The following CACNA2D4 variants were observed in gnomAD, a reference collection of about 807,000 sequenced individuals.
The protein encoded by CACNA2D4 is calcium voltage-gated channel auxiliary subunit alpha2delta 4, also known as voltage-dependent calcium channel subunit alpha-2/delta-4.
Under a neutral mutation model 163.8 loss-of-function variants are expected in CACNA2D4, and 157 were observed. The ratio of observed to expected loss-of-function variants is 0.96; its 90% CI spans 0.84 to 1.09. CACNA2D4 has a LOEUF of 1.09. CACNA2D4 is among the 50% of genes least tolerant of loss of function. The pLI, the probability that CACNA2D4 is intolerant of heterozygous loss-of-function variation, is 0.00. For synonymous variants in CACNA2D4, 598 were observed against 586.9 expected (o/e 1.02, Z -0.27); for missense variants, 1,410 against 1,479.9 (o/e 0.95, Z 0.78).
intron 24 of CACNA2D4, among the ~76,000 whole-genome samples, chr12:1,845,936 C>T (rs974736758): frequency 6.6e-6 from 1 of 152,222 alleles, no homozygotes; most frequent in Non-Finnish European, 1.5e-5. Context: ...CTCCAGACAT[C>T]GCTGAATGTC....
chr12:1,813,971 C>A (rs773126860), intron 26 of CACNA2D4, among the ~76,000 whole-genome samples: 4 of 152,258 alleles, frequency 2.6e-5, no homozygotes, highest in Non-Finnish European at 5.9e-5. Context: ...CCTTATAAGA[C>A]CACCCTAGAC....
chr12:1,867,469 CTACAACCTG>C (rs1865678196), intron 18 of CACNA2D4, among the ~76,000 whole-genome samples: 2 of 152,092 alleles, frequency 1.3e-5, no homozygotes, highest in Non-Finnish European at 2.9e-5. Context: ...TCCCTTTATT[CTACAACCTG>C]CTGGGAAGCC....
rs368298591 is a variant in CACNA2D4 at position 1,908,049 on chromosome 12, G to C, written c.487-12C>G. The C allele has an allele frequency of 1.6e-5, 26 of 1,603,704 alleles. No homozygotes were observed. Among genetic ancestry groups the C allele is most frequent in the Admixed American group, 1.5e-4 (9 of 59,660 alleles). The stretch of plus-strand genomic sequence containing the variant: ...TTGTAATAGTCGAACTGGGGTGGAC[G>C]GGTGAGGCCCACGGAGGCGGCCCGA... On this transcript the variant is annotated splice_polypyrimidine_tract_variant and intron_variant, in intron 4 of 37. Transcript: ENST00000382722.
In CACNA2D4 at chr12:1,820,685, ACT is replaced by A. The variant is rs1328589063; in HGVS notation, c.2552-8964_2552-8963del. ...CAGCCGCTGCTCCCGCTGAGTGGAGACTCTGGCACCAGTGCCCACTGCGCTCT... is the reference window on the plus strand; with the variant it reads ...CAGCCGCTGCTCCCGCTGAGTGGAGACTGGCACCAGTGCCCACTGCGCTCT... On this transcript the variant is annotated intron_variant, in intron 26 of 37. Transcript: ENST00000382722. The surrounding 1 kb of genome is among the most constrained non-coding windows in gnomAD (Gnocchi z 6.0). 1.3e-5 allele frequency: 2 copies of A among 152,054 alleles called. No individual in the cohort carries two copies. The highest frequency in any genetic ancestry group is 1.9e-4 in the East Asian group (1 of 5,184). The allele number at this position is 152,054 out of a possible 1,614,324, so 9.4% of individuals were successfully genotyped here.
intron 20 of CACNA2D4, among the ~76,000 whole-genome samples, chr12:1,857,964 G>A (rs1057154874): frequency 2.0e-5 from 3 of 152,182 alleles, no homozygotes; most frequent in Admixed American, 1.3e-4. Flanking sequence ...AGAAGGCCAC[G>A]GGATCAGGGA....
chr12:1,889,229 G>T (rs1354505159), intron 6 of CACNA2D4, among the ~76,000 whole-genome samples: 1 of 152,218 alleles, frequency 6.6e-6, no homozygotes, highest in Non-Finnish European at 1.5e-5. Context: ...ACTTCTGGAG[G>T]ACTTACTTTA....
At chr12:1,867,329 A>T (rs909896711) in intron 18 of CACNA2D4, among the ~76,000 whole-genome samples, 1 of 151,824 alleles carries the variant, frequency 6.6e-6, no homozygotes, top group South Asian at 2.1e-4. Context: ...GGCTCCAAGA[A>T]CATGTAATTA....
chr12:1,861,261 A>C (rs1865518941), intron 18 of CACNA2D4, among the ~76,000 whole-genome samples: 1 of 152,092 alleles, frequency 6.6e-6, no homozygotes, highest in Non-Finnish European at 1.5e-5. Context: ...CCTTTCACAA[A>C]ACTGGACCCA....
intron 9 of CACNA2D4, 35 bp from the exon 10 acceptor site, chr12:1,885,111 G>A (rs1866104511): frequency 6.5e-7 from 1 of 1,545,410 alleles, no homozygotes; most frequent in African/African-American, 1.4e-5. Context: ...AGCATCAGGG[G>A]GTTGAGTGGG....
At chr12:1,794,198 G>C (rs1355647503) in intron 37 of CACNA2D4, among the ~76,000 whole-genome samples, 1 of 152,184 alleles carries the variant, frequency 6.6e-6, no homozygotes, top group Non-Finnish European at 1.5e-5. Flanking sequence ...AGTGTAGCGG[G>C]AATGAGGACA....
Position 1,829,094 on chromosome 12 carries a change from C to T in CACNA2D4, c.2551+11645G>A, listed in dbSNP as rs559881749. ...TCCTTTCAGCCTCATTCTAGAATCA[C>T]TCAACACCTCGCAATACGGGCTTAT... On this transcript the variant is annotated intron_variant, in intron 26 of 37. Coordinates refer to ENST00000382722, the MANE Select transcript of CACNA2D4 (RefSeq NM_172364.5). The surrounding 1 kb of genome is among the most constrained non-coding windows in gnomAD (Gnocchi z 4.2). Among the ~76,000 whole-genome samples, 136 of 152,352 alleles carry T rather than the reference C, an allele frequency of 8.9e-4. No individual in the cohort carries two copies. Among genetic ancestry groups the T allele is most frequent in the African/African-American group, 3.0e-3 (126 of 41,578 alleles).
intron 27 of CACNA2D4, 25 bp downstream of exon 27, chr12:1,811,637 C>T (rs937137459): frequency 4.5e-6 from 7 of 1,555,456 alleles, no homozygotes; most frequent in East Asian, 2.4e-5. Flanking sequence ...TCCCCAGCCC[C>T]GACCTGGCCC....
intron 19 of CACNA2D4, among the ~76,000 whole-genome samples, chr12:1,858,849 C>A (rs1865461301): frequency 6.6e-6 from 1 of 152,208 alleles, no homozygotes; most frequent in Non-Finnish European, 1.5e-5. Flanking sequence ...TTCCCAGAAG[C>A]CTTCCTTCCT....
At chr12:1,871,543 G>T (rs1028951364) in intron 18 of CACNA2D4, among the ~76,000 whole-genome samples, 3 of 148,664 alleles carry the variant, frequency 2.0e-5, no homozygotes, top group Admixed American at 6.7e-5. Flanking sequence ...TGATGTGTGC[G>T]TGTGTACACG....
At chr12:1,830,497 G>A (rs1358042001) in intron 26 of CACNA2D4, among the ~76,000 whole-genome samples, 3 of 152,214 alleles carry the variant, frequency 2.0e-5, no homozygotes, top group Admixed American at 2.0e-4. Flanking sequence ...AGTGACACTG[G>A]GAGAGGGCAT....
chr12:1,858,296 C>T (rs572553115), intron 20 of CACNA2D4, among the ~76,000 whole-genome samples: 22 of 152,184 alleles, frequency 1.4e-4, no homozygotes, highest in Non-Finnish European at 2.5e-4. Context: ...ACTGCCTTGA[C>T]GGTCCTTCTA....
chr12:1,904,629 G>A (rs909381985), intron 6 of CACNA2D4, among the ~76,000 whole-genome samples: 4 of 151,992 alleles, frequency 2.6e-5, no homozygotes, highest in Non-Finnish European at 4.4e-5. Flanking sequence ...AGCTGTAAAG[G>A]AGCTGAGTTT....
intron 18 of CACNA2D4, among the ~76,000 whole-genome samples, chr12:1,862,944 G>A (rs189035729): frequency 1.1e-4 from 17 of 152,274 alleles, no homozygotes; most frequent in Admixed American, 9.2e-4. Context: ...ATGAAGTCTA[G>A]TTTATCAGAT....
At position 1,843,062 on chromosome 12, in the gene CACNA2D4, T is replaced by C. The variant is rs1865064377; in HGVS notation, c.2470+1340A>G. 6.6e-6 allele frequency among the ~76,000 whole-genome samples: 1 copy of C among 152,162 alleles called. No homozygotes were observed. The highest frequency in any genetic ancestry group is 1.5e-5 in the Non-Finnish European group (1 of 68,032). On this transcript the variant is annotated intron_variant, in intron 25 of 37. Transcript: ENST00000382722. The surrounding 1 kb of genome is among the most constrained non-coding windows in gnomAD (Gnocchi z 4.6). ...CGTTCTCCTTGTGTAAGTTGAGGGA[T>C]AATGACGGCACTTATCTCATGGGGT... is the stretch of plus-strand genomic sequence containing the variant.
Sources: allele counts gnomAD v4.1 joint callset (sites outside exome capture counted in the v4.1 genomes callset), GRCh38; gene constraint gnomAD v4.1.1; non-coding constraint Gnocchi (gnomAD v3.1); transcripts MANE v1.5; gene names NCBI Gene and HGNC (gene_info 2026-07-23, HGNC 2026-07-21).